RBFOX1: variants seen among roughly 807,000 people sequenced by gnomAD.
The protein encoded by RBFOX1 is RNA binding fox-1 homolog 1.
Under a neutral mutation model 57.7 loss-of-function variants are expected in RBFOX1, and 8 were observed. The ratio of observed to expected loss-of-function variants is 0.14; its 90% CI spans 0.08 to 0.25. The LOEUF is 0.25. Ranked by LOEUF, RBFOX1 falls within the 10% of genes least tolerant of loss-of-function variation. The probability of loss-of-function intolerance (pLI) is 1.00; values close to 1 mark genes in which losing one functional copy is unlikely to be tolerated. For synonymous variants in RBFOX1, 326 were observed against 222.4 expected (o/e 1.47, Z -4.15); for missense variants, 611 against 548.5 (o/e 1.11, Z -1.14).
intron 4 of RBFOX1, among the ~76,000 whole-genome samples, chr16:7,397,171 A>G (rs1188546998): frequency 6.6e-6 from 1 of 152,190 alleles, no homozygotes; most frequent in Admixed American, 6.5e-5. Flanking sequence ...CCAAAATGTT[A>G]CCATCTTTAT....
chr16:6,164,542 C>A (rs1248205477), intron 1 of RBFOX1, among the ~76,000 whole-genome samples: 1 of 151,510 alleles, frequency 6.6e-6, no homozygotes, highest in African/African-American at 2.4e-5. Context: ...TCTCGGCCCA[C>A]TGCAACCTCT....
At chr16:5,799,525 C>A (rs377231602) in intron 3 of RBFOX1, among the ~76,000 whole-genome samples, 2 of 152,202 alleles carry the variant, frequency 1.3e-5, no homozygotes, top group African/African-American at 4.8e-5. Flanking sequence ...ACTTTGAGTA[C>A]CTACACAACC....
At chr16:7,052,824 A>G (rs557942207) in intron 4 of RBFOX1, among the ~76,000 whole-genome samples, 1 of 152,290 alleles carries the variant, frequency 6.6e-6, no homozygotes, top group East Asian at 1.9e-4. Flanking sequence ...TTTCTTCTAA[A>G]TGAATTCGTG....
intron 4 of RBFOX1, among the ~76,000 whole-genome samples, chr16:7,067,163 G>T (rs764048190): frequency 6.6e-6 from 1 of 152,170 alleles, no homozygotes; most frequent in Non-Finnish European, 1.5e-5. Context: ...GAACTGAACA[G>T]GTGATCCTTT....
intron 12 of RBFOX1, among the ~76,000 whole-genome samples, chr16:7,658,003 C>T (rs1359011889): frequency 1.3e-5 from 2 of 152,192 alleles, no homozygotes. Context: ...TACTTAACGT[C>T]TATAGACACA....
At chr16:6,874,002 T>G (rs117172207) in intron 3 of RBFOX1, 1 of 152,188 alleles carries the variant, frequency 6.6e-6, no homozygotes, top group Non-Finnish European at 1.5e-5. Context: ...CGTTTCATAT[T>G]TTTAGTAAAA....
At chr16:5,316,387 A>C (rs1477679349) in intron 1 of RBFOX1, among the ~76,000 whole-genome samples, 1 of 152,206 alleles carries the variant, frequency 6.6e-6, no homozygotes, top group Non-Finnish European at 1.5e-5. Context: ...TGCCCAGCAC[A>C]CTGCCCAGAA....
intron 3 of RBFOX1, among the ~76,000 whole-genome samples, chr16:7,002,036 G>A (rs893856757): frequency 2.5e-5 from 3 of 119,966 alleles, no homozygotes; most frequent in African/African-American, 9.8e-5. Flanking sequence ...TCAGGGATGG[G>A]CATGTGATCA....
chr16:6,080,537 A>G (rs972121214), intron 1 of RBFOX1, among the ~76,000 whole-genome samples: 1 of 152,206 alleles, frequency 6.6e-6, no homozygotes, highest in African/African-American at 2.4e-5. Flanking sequence ...GAAACTTACA[A>G]TGAATGCATA....
upstream of RBFOX1, among the ~76,000 whole-genome samples, chr16:6,015,247 C>T (rs1478828219): frequency 6.6e-6 from 1 of 152,096 alleles, no homozygotes; most frequent in Non-Finnish European, 1.5e-5. Context: ...CTGATAATCT[C>T]TTAAAAATCC....
chr16:6,950,300 C>T (rs1460633761), intron 3 of RBFOX1, among the ~76,000 whole-genome samples: 1 of 151,930 alleles, frequency 6.6e-6, no homozygotes, highest in South Asian at 2.1e-4. Context: ...CCCTCTGCAT[C>T]TCACAGCCTC....
At chr16:5,748,199 T>G (rs974126873) in intron 3 of RBFOX1, among the ~76,000 whole-genome samples, 1 of 152,158 alleles carries the variant, frequency 6.6e-6, no homozygotes, top group African/African-American at 2.4e-5. Context: ...GTGAGTTTCT[T>G]AATCCTGAGT....
chr16:5,863,009 C>T (rs2057260824), intron 3 of RBFOX1, among the ~76,000 whole-genome samples: 1 of 152,132 alleles, frequency 6.6e-6, no homozygotes, highest in Non-Finnish European at 1.5e-5. Flanking sequence ...ATCCAGGTCT[C>T]CATCATGTGG....
chr16:5,843,360 A>G (rs577748783), intron 3 of RBFOX1, among the ~76,000 whole-genome samples: 11 of 152,304 alleles, frequency 7.2e-5, no homozygotes, highest in Admixed American at 7.2e-4. Context: ...CTCATTATTT[A>G]GCTCCTACTT....
chr16:5,373,718 C>A (rs563675168), intron 1 of RBFOX1, among the ~76,000 whole-genome samples: 63 of 151,782 alleles, frequency 4.2e-4, no homozygotes, highest in African/African-American at 1.5e-3. Context: ...ATTCTCCTGT[C>A]TCAGCCTCCC....
intron 3 of RBFOX1, among the ~76,000 whole-genome samples, chr16:6,765,897 G>A (rs2077254597): frequency 1.3e-5 from 2 of 152,128 alleles, no homozygotes; most frequent in South Asian, 4.1e-4. Flanking sequence ...AGCAAATACT[G>A]CATTTCTTCA....
intron 3 of RBFOX1, among the ~76,000 whole-genome samples, chr16:5,762,014 G>T: frequency 6.6e-6 from 1 of 152,086 alleles, no homozygotes; most frequent in East Asian, 1.9e-4. Flanking sequence ...CCTTGGGCAG[G>T]TGAACTTCTC....
intron 4 of RBFOX1, among the ~76,000 whole-genome samples, chr16:7,405,561 C>T (rs2098326597): frequency 1.3e-5 from 2 of 152,172 alleles, no homozygotes; most frequent in African/African-American, 2.4e-5. Flanking sequence ...CTCCCGTGTG[C>T]GCCTCATGCC....
intron 4 of RBFOX1, among the ~76,000 whole-genome samples, chr16:7,445,510 G>A (rs367947952): frequency 6.6e-6 from 1 of 152,196 alleles, no homozygotes; most frequent in Non-Finnish European, 1.5e-5. Flanking sequence ...ACTTGATACA[G>A]CATCAAATAG....
Sources: allele counts gnomAD v4.1 joint callset (sites outside exome capture counted in the v4.1 genomes callset), GRCh38; gene constraint gnomAD v4.1.1; transcripts MANE v1.5; gene names NCBI Gene and HGNC (gene_info 2026-07-23, HGNC 2026-07-21).